KAZN: variants seen among roughly 807,000 people sequenced by gnomAD.
KAZN encodes the protein kazrin.
In KAZN, 40 loss-of-function variants were observed where a neutral mutation model predicts 87.4. That is an observed-to-expected ratio of 0.46 (90% CI 0.36 to 0.60). KAZN has a LOEUF of 0.60. KAZN is among the 20% of genes least tolerant of loss of function. The pLI, the probability that KAZN is intolerant of heterozygous loss-of-function variation, is 0.00. For missense variants in KAZN, 898 were observed against 1,073.9 expected, an observed-to-expected ratio of 0.84 and a Z score of 2.29; for synonymous variants, 466 against 458.3, an observed-to-expected ratio of 1.02 and a Z score of -0.22.
At chr1:15,058,872 C>T (rs866934870) in intron 5 of KAZN, among the ~76,000 whole-genome samples, 2 of 151,792 alleles carry the variant, frequency 1.3e-5, no homozygotes, top group Non-Finnish European at 2.9e-5. Context: ...TACAAAAATT[C>T]GCTGGACTTG....
intron 2 of KAZN, among the ~76,000 whole-genome samples, chr1:14,340,888 C>CTTTTTTTTT (rs3085672): frequency 0.16 from 16,516 of 102,550 alleles, 2,450 homozygotes; most frequent in African/African-American, 0.27. Context: ...ATGATTTTCC[C>CTTTTTTTTT]TTTTTTTTTT....
intron 2 of KAZN, among the ~76,000 whole-genome samples, chr1:14,326,843 G>T (rs1656469443): frequency 6.6e-6 from 1 of 152,018 alleles, no homozygotes; most frequent in Non-Finnish European, 1.5e-5. Context: ...CCTTCTCCGT[G>T]ATTTTTCTGA....
intron 1 of KAZN, among the ~76,000 whole-genome samples, chr1:14,124,041 A>C (rs1239757179): frequency 7.2e-5 from 11 of 152,110 alleles, no homozygotes; most frequent in Admixed American, 7.2e-4. Flanking sequence ...TTCTATGACG[A>C]CTTTTCCCTC....
intron 8 of KAZN, among the ~76,000 whole-genome samples, chr1:15,091,278 A>G (rs921093567): frequency 6.6e-6 from 1 of 152,186 alleles, no homozygotes; most frequent in African/African-American, 2.4e-5. Flanking sequence ...ATAATTATAC[A>G]CTTTACATCT....
At chr1:14,972,376 G>C (rs996708406) in intron 2 of KAZN, among the ~76,000 whole-genome samples, 2 of 152,192 alleles carry the variant, frequency 1.3e-5, no homozygotes, top group Non-Finnish European at 2.9e-5. Context: ...CTTGCTCTGC[G>C]GTGCCTGAGC....
chr1:13,905,521 G>A lies in KAZN; in HGVS notation c.91+11765G>A, dbSNP rs978058148. Among the ~76,000 whole-genome samples the A allele has an allele frequency of 3.3e-5, 5 of 151,988 alleles. No individual in the cohort carries two copies. The East Asian group carries it at 5.8e-4, about 18-fold the overall frequency. ...GGCAGACAAGCTTTCTTACCTCCCCGTGCCTGTGTTCAGGACCCACATCCA... is the reference window on the plus strand; with the variant it reads ...GGCAGACAAGCTTTCTTACCTCCCCATGCCTGTGTTCAGGACCCACATCCA... On this transcript the variant is annotated intron_variant, in intron 1 of 16. Transcript: ENST00000636203.
intron 2 of KAZN, among the ~76,000 whole-genome samples, chr1:14,995,595 G>A (rs1340434200): frequency 3.3e-5 from 5 of 151,498 alleles, no homozygotes; most frequent in African/African-American, 1.2e-4. Context: ...CTGCACTCCA[G>A]CCTGGGCGAC....
rs368140429 is a variant in KAZN at position 14,857,974 on chromosome 1, C to G, written c.227-102710C>G. On this transcript the variant is annotated intron_variant, in intron 1 of 14. Coordinates refer to ENST00000376030, the MANE Select transcript of KAZN (RefSeq NM_201628.3). The stretch of plus-strand genomic sequence containing the variant: ...CATTTCTTATCCTCCCCCGACTTCC[C>G]AGCCGCAGGCACCCACTCATCCACA... Among the ~76,000 whole-genome samples the G allele has an allele frequency of 4.7e-3, 709 of 152,264 alleles. 7 individuals carry two copies. Among genetic ancestry groups the G allele is most frequent in the South Asian group, 0.022 (107 of 4,824 alleles).
chr1:14,905,457 C>T (rs59805102), intron 1 of KAZN, among the ~76,000 whole-genome samples: 2,996 of 152,266 alleles, frequency 0.02, 99 homozygotes, highest in African/African-American at 0.067. Context: ...GGAAAAAGGT[C>T]CCCCAGGCCT....
At chr1:14,483,329 G>C (rs1669181877) in intron 2 of KAZN, among the ~76,000 whole-genome samples, 1 of 152,182 alleles carries the variant, frequency 6.6e-6, no homozygotes. Flanking sequence ...TTGTGCGTCA[G>C]AGGGGAGCAA....
At chr1:14,223,433 G>A (rs575583410) in intron 2 of KAZN, among the ~76,000 whole-genome samples, 4 of 152,260 alleles carry the variant, frequency 2.6e-5, no homozygotes, top group Admixed American at 2.6e-4. Flanking sequence ...TACAAACCCT[G>A]TCATCAGCAA....
intron 4 of KAZN, among the ~76,000 whole-genome samples, chr1:15,054,032 A>G (rs373580718): frequency 6.6e-6 from 1 of 152,128 alleles, no homozygotes. Context: ...TGACTTGTCT[A>G]AAATAATACA....
intron 1 of KAZN, among the ~76,000 whole-genome samples, chr1:14,845,857 C>T (rs1446987780): frequency 6.6e-6 from 1 of 152,002 alleles, no homozygotes; most frequent in Admixed American, 6.6e-5. Context: ...CGAGGCAAGT[C>T]GGCCCCAGAG....
At chr1:14,661,476 A>G (rs1236584515) in intron 1 of KAZN, among the ~76,000 whole-genome samples, 3 of 151,988 alleles carry the variant, frequency 2.0e-5, no homozygotes, top group African/African-American at 4.8e-5. Context: ...GCACTATTCA[A>G]CTCTGCTGTT....
chr1:14,467,515 C>T lies in KAZN; in HGVS notation c.250-131468C>T, dbSNP rs190462921. Among the ~76,000 whole-genome samples, 7 of 152,000 alleles carry T rather than the reference C, an allele frequency of 4.6e-5. No homozygotes were observed. In the East Asian group the frequency reaches 5.8e-4, roughly 13 times the overall value. ...ATATTCCATGTAAATGGGTTAAACA[C>T]TCTAAGCAAACAGTAGAAAGATTAG... On this transcript the variant is annotated intron_variant, in intron 2 of 16. Coordinates refer to the KAZN transcript ENST00000636203.
chr1:14,875,482 TAA>T (rs34495884), intron 1 of KAZN, among the ~76,000 whole-genome samples: 6 of 134,118 alleles, frequency 4.5e-5, no homozygotes, highest in African/African-American at 8.4e-5. Flanking sequence ...CTTAATTTAT[TAA>T]AAAAAAAAAA....
intron 1 of KAZN, among the ~76,000 whole-genome samples, chr1:14,843,898 A>C (rs965026374): frequency 4.6e-5 from 7 of 152,114 alleles, no homozygotes; most frequent in Non-Finnish European, 1.5e-5. Flanking sequence ...AAAGCAACTC[A>C]CTCGACTGGA....
At chr1:14,486,557 C>T (rs1669359485) in intron 2 of KAZN, among the ~76,000 whole-genome samples, 1 of 152,172 alleles carries the variant, frequency 6.6e-6, no homozygotes, top group African/African-American at 2.4e-5. Context: ...TCCTGCTTTT[C>T]CTCTGTCTTG....
chr1:14,858,110 G>C (rs182538634), intron 1 of KAZN, among the ~76,000 whole-genome samples: 1 of 151,380 alleles, frequency 6.6e-6, no homozygotes, highest in East Asian at 1.9e-4. Flanking sequence ...CTTTATCCAT[G>C]TTGCAGCGTG....
Sources: gnomAD v4.1 joint callset for allele counts (sites outside exome capture counted in the v4.1 genomes callset) on GRCh38, gnomAD v4.1.1 for gene constraint, MANE v1.5 for transcripts, NCBI Gene and HGNC (gene_info 2026-07-23, HGNC 2026-07-21) for gene names.